TACC2: variants seen among roughly 807,000 people sequenced by gnomAD.
The protein encoded by TACC2 is transforming acidic coiled-coil-containing protein 2.
TACC2 carries 137 observed loss-of-function variants against 227.3 expected under a neutral mutation model. That is an observed-to-expected ratio of 0.60 (90% CI 0.52 to 0.69). The LOEUF (loss-of-function observed/expected upper bound fraction) is 0.69. TACC2 is among the 30% of genes least tolerant of loss of function. TACC2 has a pLI of 0.00. For synonymous variants in TACC2, 1,523 were observed against 1,487.5 expected (o/e 1.02, Z -0.55); for missense variants, 3,470 against 3,694.4 (o/e 0.94, Z 1.57).
At position 122,180,655 on chromosome 10, in the gene TACC2, A is replaced by G. The variant is rs2093943793; in HGVS notation, c.5835-14385A>G. 1.3e-5 allele frequency among the ~76,000 whole-genome samples: 2 copies of G among 151,850 alleles called. No homozygotes were observed. Among genetic ancestry groups the G allele is most frequent in the South Asian group, 2.1e-4 (1 of 4,790 alleles). On this transcript the variant is annotated intron_variant, in intron 7 of 22. Coordinates refer to ENST00000369005, the MANE Select transcript of TACC2 (RefSeq NM_206862.4). This position sits in a 1 kb window ranked among gnomAD's most constrained non-coding sequence, Gnocchi z 4.5. ...ACCCGGCCTCTTCCCTCGAGTTCTA[A>G]TGACTGACTCTTTTTTCACTCTTCA...
rs1957389180 is a variant in TACC2 at position 122,021,918 on chromosome 10, A to G, written c.-45-19A>G. The G allele has an allele frequency of 6.8e-7, 1 of 1,466,948 alleles. No homozygotes were observed. Among genetic ancestry groups the G allele is most frequent in the South Asian group, 1.1e-5 (1 of 87,886 alleles). 90.9% of individuals were successfully genotyped at this position (1,466,948 alleles called of 1,614,324 possible). ...CTTTTTTCATTTCACAGACGTTTAT[A>G]CCCTTTTGTTTCTTCCAGTCACCTC... On this transcript the variant is annotated intron_variant, in intron 1 of 22. Coordinates refer to ENST00000369005, the MANE Select transcript of TACC2 (RefSeq NM_206862.4).
At chr10:122,253,675 T>G (rs2096290680) in intron 22 of TACC2, among the ~76,000 whole-genome samples, 1 of 152,238 alleles carries the variant, frequency 6.6e-6, no homozygotes, top group Non-Finnish European at 1.5e-5. Context: ...ACCAGACTAG[T>G]TAGTCCTTCA....
In TACC2 at chr10:122,040,027, T is replaced by A. The variant is rs79537766; in HGVS notation, c.34-10411T>A. 5.5e-3 allele frequency among the ~76,000 whole-genome samples: 840 copies of A among 152,302 alleles called. 5 individuals carry two copies. The highest frequency in any genetic ancestry group is 8.4e-3 in the Non-Finnish European group (571 of 68,026). ...TTGCAGCAAGCTGAGTCCTAGTTGT[T>A]ACCCTTGCTCCTTCCTTTGGGAATG... On this transcript the variant is annotated intron_variant, in intron 2 of 22. Transcript: ENST00000369005.
chr10:122,067,025 A>T (rs992907985), intron 3 of TACC2, among the ~76,000 whole-genome samples: 1 of 152,212 alleles, frequency 6.6e-6, no homozygotes, highest in African/African-American at 2.4e-5. Context: ...TACACATCCC[A>T]TAATACATAT....
intron 3 of TACC2, among the ~76,000 whole-genome samples, chr10:122,063,216 C>CG (rs1198170036): frequency 1.3e-5 from 2 of 152,244 alleles, no homozygotes; most frequent in South Asian, 2.1e-4. Context: ...CACATCGGCC[C>CG]GGGCCAGCTC....
chr10:122,235,610 T>C (rs2141573382), intron 16 of TACC2, among the ~76,000 whole-genome samples: 1 of 152,276 alleles, frequency 6.6e-6, no homozygotes, highest in African/African-American at 2.4e-5. Context: ...GATCTCTGTG[T>C]CATTTTTCAG....
At position 122,086,451 on chromosome 10, in the gene TACC2, A is replaced by C. The variant is rs1320152000; in HGVS notation, c.3951A>C (p.Arg1317Ser). 1.9e-6 allele frequency: 3 copies of C among 1,613,888 alleles called. No individual in the cohort carries two copies. The East Asian group carries it at 6.7e-5, about 36-fold the overall frequency. Residue 1317 changes from arginine to serine, a missense_variant, in exon 4 of 23, where the codon AGA (arginine) becomes AGC (serine). Arg to Ser is a moderately radical substitution (Grantham distance 110). Transcript: ENST00000369005. The part of the protein sequence containing the change: ...VQASSGSPKA[R>S]TTEGPVDSMP... Reference sequence around the variant, plus strand: ...CCAGCAGTGGTAGTCCCAAAGCCAGAACCACTGAGGGACCAGTGGACTCCA... The same window carrying C: ...CCAGCAGTGGTAGTCCCAAAGCCAGCACCACTGAGGGACCAGTGGACTCCA...
chr10:122,002,481 C>A (rs1334159916), intron 1 of TACC2, among the ~76,000 whole-genome samples: 2 of 152,062 alleles, frequency 1.3e-5, no homozygotes, highest in East Asian at 3.9e-4. Flanking sequence ...GAATCAGTGT[C>A]ATTCTTCATA....
intron 3 of TACC2, among the ~76,000 whole-genome samples, chr10:122,079,589 T>G (rs1472953384): frequency 1.3e-5 from 2 of 152,208 alleles, no homozygotes; most frequent in Non-Finnish European, 2.9e-5. Flanking sequence ...TGGTTCTGTG[T>G]ACATGCCTCC....
chr10:122,237,045 G>A lies in TACC2; in HGVS notation c.8128-350G>A, dbSNP rs558742226. On this transcript the variant is annotated intron_variant, in intron 16 of 22. Coordinates refer to ENST00000369005, the MANE Select transcript of TACC2 (RefSeq NM_206862.4). ...ATTGAGATCTCATTTTGGAAGTGGA[G>A]GCTGCTGAATAGTGCCCTGGGTTCT... Among the ~76,000 whole-genome samples, 3 of 152,320 alleles carry A rather than the reference G, an allele frequency of 2.0e-5. No homozygotes were observed. The South Asian group carries it at 6.2e-4, about 32-fold the overall frequency.
chr10:122,216,557 A>G, intron 10 of TACC2, 70 bp from the exon 11 acceptor site: 2 of 1,525,538 alleles, frequency 1.3e-6, no homozygotes, highest in Non-Finnish European at 1.8e-6. Flanking sequence ...GGGTCCCCAG[A>G]CCTGAGGGTG....
At chr10:122,048,577 C>T (rs528840823) in intron 2 of TACC2, among the ~76,000 whole-genome samples, 9 of 151,964 alleles carry the variant, frequency 5.9e-5, no homozygotes, top group East Asian at 3.9e-4. Flanking sequence ...AGGCTGGTCT[C>T]GAACTCCTGG....
At chr10:122,231,251 GA>G (rs2095741364) in intron 16 of TACC2, among the ~76,000 whole-genome samples, 1 of 152,272 alleles carries the variant, frequency 6.6e-6, no homozygotes, top group Admixed American at 6.5e-5. Context: ...TTTGCCCCTG[GA>G]CTGCCCATGC....
intron 5 of TACC2, among the ~76,000 whole-genome samples, chr10:122,119,714 G>T (rs908673387): frequency 6.6e-6 from 1 of 152,152 alleles, no homozygotes; most frequent in Non-Finnish European, 1.5e-5. Context: ...AGGAGTTCAA[G>T]ACCAGCCTGG....
At chr10:122,031,625 G>C (rs186594691) in intron 2 of TACC2, among the ~76,000 whole-genome samples, 1 of 151,850 alleles carries the variant, frequency 6.6e-6, no homozygotes, top group Non-Finnish European at 1.5e-5. Flanking sequence ...GGTTGGTCTC[G>C]ATCTCCTGAC....
At chr10:122,105,724 G>A (rs2082685700) in intron 5 of TACC2, among the ~76,000 whole-genome samples, 3 of 151,496 alleles carry the variant, frequency 2.0e-5, no homozygotes, top group Admixed American at 1.3e-4. Context: ...GGGTTCGAGC[G>A]ATTTTCCTGC....
intron 1 of TACC2, among the ~76,000 whole-genome samples, chr10:122,017,311 A>G (rs1463156734): frequency 6.6e-6 from 1 of 152,094 alleles, no homozygotes; most frequent in Non-Finnish European, 1.5e-5. Flanking sequence ...GGAAGATTGC[A>G]CATGCGTCGC....
At chr10:122,224,899 G>A in intron 12 of TACC2, 112 bp downstream of exon 12, 1 of 872,654 alleles carries the variant, frequency 1.1e-6, no homozygotes, top group South Asian at 1.5e-5. Flanking sequence ...AGTGTTTTCT[G>A]TGTACACAGC....
chr10:122,036,277 C>T (rs1960322967), intron 2 of TACC2, among the ~76,000 whole-genome samples: 1 of 149,860 alleles, frequency 6.7e-6, no homozygotes, highest in Non-Finnish European at 1.5e-5. Flanking sequence ...ACTGCAAGCT[C>T]TGCCTCCTGG....
Sources: gnomAD v4.1 joint callset for allele counts (sites outside exome capture counted in the v4.1 genomes callset) on GRCh38, gnomAD v4.1.1 for gene constraint, Gnocchi (gnomAD v3.1) non-coding constraint, MANE v1.5 for transcripts, NCBI Gene and HGNC (gene_info 2026-07-23, HGNC 2026-07-21) for gene names.